The following CHL1 variants were observed in gnomAD, a reference collection of about 807,000 sequenced individuals.
CHL1 encodes the protein neural cell adhesion molecule L1-like protein.
A neutral mutation model predicts 141.9 loss-of-function variants in CHL1; 96 were observed. The ratio of observed to expected loss-of-function variants is 0.68; its 90% confidence interval spans 0.57 to 0.80. CHL1 has a LOEUF of 0.80. CHL1 is among the 30% of genes least tolerant of loss of function. The pLI is 0.00. For missense variants in CHL1, 1,820 were observed against 1,457.2 expected (o/e 1.25, Z -4.05); for synonymous variants, 613 against 502.2 (o/e 1.22, Z -2.95).
chr3:321,082 G>C (rs1700526384), intron 3 of CHL1, among the ~76,000 whole-genome samples: 1 of 151,938 alleles, frequency 6.6e-6, no homozygotes, highest in South Asian at 2.1e-4. Context: ...TCAATAGAAA[G>C]GAAACAACTC....
In CHL1 at chr3:291,672, G is replaced by T. The variant is rs116474469; in HGVS notation, c.-94-28011G>T. ...ACATACTATTACTCTCCAAATAAGA[G>T]ATTTTTAGAGGTCATTTTTTTTCTC... is the stretch of plus-strand genomic sequence containing the variant. On this transcript the variant is annotated intron_variant, in intron 2 of 27. Transcript: ENST00000256509. 4.7e-3 allele frequency among the ~76,000 whole-genome samples: 711 copies of T among 152,122 alleles called. 4 individuals are homozygous for T. The highest frequency in any genetic ancestry group is 0.016 in the African/African-American group (664 of 41,478).
In CHL1 at chr3:319,547, G is replaced by A. The variant is rs1338769382; in HGVS notation, c.-94-136G>A. ...GAAAAACTAATTTCATTCATGCGGA[G>A]TTATGAGAGAACAGTTTCATAAGGA... On this transcript the variant is annotated intron_variant, in intron 2 of 27. Coordinates refer to ENST00000256509, the MANE Select transcript of CHL1 (RefSeq NM_006614.4). The A allele has an allele frequency of 1.6e-5, 7 of 445,744 alleles. No homozygotes were observed. The East Asian group carries it at 2.4e-4, about 15-fold the overall frequency. The allele number at this position is 445,744 out of a possible 1,614,324, so 27.6% of individuals were successfully genotyped here. A position where few individuals can be genotyped will look rare whatever the true frequency, so the allele number is the denominator to read the frequency against.
rs946726541 is a variant in CHL1 at position 360,336 on chromosome 3, C to G, written c.1218C>G (p.Asn406Lys). 2 of 1,613,808 alleles carry G rather than the reference C, an allele frequency of 1.2e-6. No individual in the cohort carries two copies. The highest frequency in any genetic ancestry group is 2.7e-5 in the African/African-American group (2 of 75,002). ...TCCCCAGGGAAATCAGTTTTACCAA[C>G]CTTCAACCAAATCATACTGCTGTGT... ...VVFPREISFT[N>K]LQPNHTAVYQ... The change falls in exon 12 of 28, where the codon AAC becomes AAG. Residue 406 changes from asparagine (N) to lysine (K), a missense_variant. Transcript: ENST00000256509.
intron 4 of CHL1, 25 bp downstream of exon 4, chr3:326,089 G>A (rs938322467): frequency 2.1e-6 from 3 of 1,452,844 alleles, no homozygotes; most frequent in Admixed American, 3.4e-5. Context: ...AAACGAAGTG[G>A]TTCTTTAAAT....
At chr3:211,001 T>C (rs375221308) in intron 1 of CHL1, among the ~76,000 whole-genome samples, 3 of 152,208 alleles carry the variant, frequency 2.0e-5, no homozygotes, top group African/African-American at 7.2e-5. Context: ...CGGATGCTTT[T>C]CTCCTCTGAT....
intron 18 of CHL1, among the ~76,000 whole-genome samples, chr3:383,216 A>C (rs1407782599): frequency 6.6e-6 from 1 of 152,192 alleles, no homozygotes; most frequent in East Asian, 1.9e-4. Flanking sequence ...AAGCAAGTGA[A>C]GGTTATAACT....
chr3:397,476 G>A (rs191930848), intron 24 of CHL1, among the ~76,000 whole-genome samples: 1 of 151,960 alleles, frequency 6.6e-6, no homozygotes, highest in Non-Finnish European at 1.5e-5. Flanking sequence ...ACATTTTCTG[G>A]GTTATGTTTA....
chr3:313,285 A>C (rs558221265), intron 2 of CHL1, among the ~76,000 whole-genome samples: 4 of 152,336 alleles, frequency 2.6e-5, no homozygotes, highest in Admixed American at 1.3e-4. Context: ...ATAATTATTC[A>C]GAAAAAATGT....
chr3:317,491 C>T (rs1270462371), intron 2 of CHL1, among the ~76,000 whole-genome samples: 1 of 151,642 alleles, frequency 6.6e-6, no homozygotes, highest in East Asian at 1.9e-4. Flanking sequence ...AAGTCTTGCT[C>T]CTTACAAATA....
chr3:197,748 C>G (rs781216957), intron 1 of CHL1: 1 of 455,122 alleles, frequency 2.2e-6, no homozygotes, highest in South Asian at 1.6e-5. Context: ...CCCAGACCGC[C>G]GAGGGGCGAG....
At position 398,239 on chromosome 3, in the gene CHL1, G is replaced by A. The variant is rs1229771718; in HGVS notation, c.3107G>A (p.Gly1036Glu). 5 of 1,597,846 alleles carry A rather than the reference G, an allele frequency of 3.1e-6. No homozygotes were observed. The highest frequency in any genetic ancestry group is 1.3e-5 in the African/African-American group (1 of 74,570). Reference protein sequence around the residue: ...STLGEGSKGIGKISGVNLTQK... With the variant: ...STLGEGSKGIEKISGVNLTQK... ...GTACATTTCTTAGGTAAAGGTATCG[G>A]GAAGATATCAGGAGTAAATCTTACT... The change falls in exon 25 of 28, where the codon GGG (glycine) becomes GAG (glutamate). Residue 1036 changes from glycine (G) to glutamate (E), a missense_variant. Physicochemically the swap from Gly to Glu is moderately conservative, Grantham distance 98 (BLOSUM62 -2). Coordinates refer to ENST00000256509, the MANE Select transcript of CHL1 (RefSeq NM_006614.4).
chr3:215,537 A>ATT (rs1700245107), intron 1 of CHL1, among the ~76,000 whole-genome samples: 1 of 152,212 alleles, frequency 6.6e-6, no homozygotes, highest in Non-Finnish European at 1.5e-5. Flanking sequence ...ATTTCCAAAT[A>ATT]ACTAGAAGAG....
chr3:216,894 A>G (rs1250309598), intron 1 of CHL1, among the ~76,000 whole-genome samples: 1 of 152,200 alleles, frequency 6.6e-6, no homozygotes, highest in African/African-American at 2.4e-5. Flanking sequence ...AAAAACTCCA[A>G]ATCATGTGGT....
intron 4 of CHL1, among the ~76,000 whole-genome samples, chr3:326,707 G>A (rs755234368): frequency 6.6e-6 from 1 of 151,792 alleles, no homozygotes; most frequent in Non-Finnish European, 1.5e-5. Flanking sequence ...GAAGGGAGAG[G>A]CTGTGGGAAG....
intron 5 of CHL1, among the ~76,000 whole-genome samples, chr3:333,079 A>G (rs1204445341): frequency 6.8e-6 from 1 of 146,556 alleles, no homozygotes; most frequent in Non-Finnish European, 1.5e-5. Context: ...TATTGTATTA[A>G]GAGCTGGGAG....
At chr3:374,455 G>A (rs1706044725) in intron 15 of CHL1, among the ~76,000 whole-genome samples, 1 of 152,072 alleles carries the variant, frequency 6.6e-6, no homozygotes, top group African/African-American at 2.4e-5. Context: ...AGCCAAGAAG[G>A]GAATCAGAGA....
intron 1 of CHL1, among the ~76,000 whole-genome samples, chr3:226,069 G>A (rs4685474): frequency 6.6e-6 from 1 of 150,458 alleles, no homozygotes; most frequent in African/African-American, 2.4e-5. Context: ...TCGCCCAGGA[G>A]AGAGTGCGGA....
chr3:355,151 T>A (rs1317291019), intron 11 of CHL1, among the ~76,000 whole-genome samples: 1 of 152,188 alleles, frequency 6.6e-6, no homozygotes, highest in Admixed American at 6.5e-5. Flanking sequence ...CAGGACCTCC[T>A]TTAGGCTCAG....
chr3:405,007 G>C (rs9865737), intron 27 of CHL1, among the ~76,000 whole-genome samples: 9,239 of 152,172 alleles, frequency 0.061, 944 homozygotes, highest in African/African-American at 0.21. Flanking sequence ...CGTGAAAGGG[G>C]TAGGGCAGCT....
Sources: gnomAD v4.1 joint callset for allele counts (sites outside exome capture counted in the v4.1 genomes callset) on GRCh38, gnomAD v4.1.1 for gene constraint, MANE v1.5 for transcripts, NCBI Gene and HGNC (gene_info 2026-07-23, HGNC 2026-07-21) for gene names.